Variants in SLC22A23 observed in about 807,000 individuals in gnomAD.
SLC22A23 encodes solute carrier family 22 member 23.
Under a neutral mutation model 61.0 loss-of-function variants are expected in SLC22A23, and 26 were observed. That is an observed-to-expected ratio of 0.43 (90% CI 0.31 to 0.59). SLC22A23 has a LOEUF of 0.59. SLC22A23 is among the 20% of genes least tolerant of loss of function. The probability of loss-of-function intolerance (pLI) is 0.11; values close to 1 mark genes in which losing one functional copy is unlikely to be tolerated. For synonymous variants in SLC22A23, 430 were observed against 413.9 expected, an observed-to-expected ratio of 1.04 and a Z score of -0.47; for missense variants, 796 against 934.7, an observed-to-expected ratio of 0.85 and a Z score of 1.94.
intron 3 of SLC22A23, among the ~76,000 whole-genome samples, chr6:3,402,892 T>A (rs529269352): frequency 2.6e-5 from 4 of 152,222 alleles, no homozygotes; most frequent in Non-Finnish European, 4.4e-5. Context: ...GGTCCTCACA[T>A]GTTCATGGAG....
chr6:3,370,032 T>C (rs1221006234), intron 3 of SLC22A23, among the ~76,000 whole-genome samples: 1 of 152,182 alleles, frequency 6.6e-6, no homozygotes, highest in Non-Finnish European at 1.5e-5. Flanking sequence ...TATAAGAAAA[T>C]AGATCCAATT....
intron 3 of SLC22A23, among the ~76,000 whole-genome samples, chr6:3,381,633 C>T (rs1167666888): frequency 2.6e-5 from 4 of 152,188 alleles, no homozygotes; most frequent in Admixed American, 1.3e-4. Flanking sequence ...GCAAGCCTGG[C>T]CCAGCGCCCT....
At position 3,271,549 on chromosome 6, in the gene SLC22A23, A is replaced by G. The variant is rs1322432745; in HGVS notation, c.*1506T>C. ...TGGAAGTCACTTCATTGTCTCACCC[A>G]GGCCCGAGACCACAATTTCCCTGGA... is the stretch of plus-strand genomic sequence containing the variant. On this transcript the variant is annotated 3_prime_UTR_variant, in exon 10 of 10. Coordinates refer to ENST00000406686, the MANE Select transcript of SLC22A23 (RefSeq NM_015482.2). 1 of 152,414 alleles carries G rather than the reference A, an allele frequency of 6.6e-6. No individual in the cohort carries two copies. Among genetic ancestry groups the G allele is most frequent in the East Asian group, 1.9e-4 (1 of 5,334 alleles). The allele number at this position is 152,414 out of a possible 1,614,324, so 9.4% of individuals were successfully genotyped here.
intron 1 of SLC22A23, among the ~76,000 whole-genome samples, chr6:3,445,284 C>T (rs1030627181): frequency 8.6e-5 from 13 of 152,044 alleles, no homozygotes; most frequent in Admixed American, 3.9e-4. Context: ...CTGCAACTTC[C>T]GCCTCCCAGG....
At chr6:3,364,645 C>T (rs1411678166) in intron 3 of SLC22A23, among the ~76,000 whole-genome samples, 2 of 152,148 alleles carry the variant, frequency 1.3e-5, no homozygotes, top group African/African-American at 2.4e-5. Flanking sequence ...AGAGGTCTCA[C>T]GCGTGCAGGG....
At chr6:3,398,157 AG>A (rs1458024507) in intron 3 of SLC22A23, among the ~76,000 whole-genome samples, 1 of 152,254 alleles carries the variant, frequency 6.6e-6, no homozygotes, top group Admixed American at 6.5e-5. Flanking sequence ...ATGCCAAGGA[AG>A]AAATAGTGAA....
At chr6:3,287,203 G>T in intron 6 of SLC22A23, 112 bp from the exon 7 acceptor site, 2 of 964,790 alleles carry the variant, frequency 2.1e-6, no homozygotes, top group Non-Finnish European at 3.2e-6. Flanking sequence ...GCAACTCAAT[G>T]TGTCATAGAA....
At chr6:3,331,229 A>C (rs745457653) in intron 3 of SLC22A23, among the ~76,000 whole-genome samples, 2 of 152,226 alleles carry the variant, frequency 1.3e-5, no homozygotes, top group Non-Finnish European at 2.9e-5. Context: ...TGCAGGCAGA[A>C]GCTATCTTCA....
intron 3 of SLC22A23, among the ~76,000 whole-genome samples, chr6:3,393,277 G>A (rs1423973516): frequency 6.6e-6 from 1 of 152,204 alleles, no homozygotes; most frequent in Admixed American, 6.5e-5. Flanking sequence ...GAGAAGTTTT[G>A]CTGTGAAAGG....
rs145105835 is a variant in SLC22A23, at chr6:3,446,729, C to T, written c.654+9177G>A. 6.2e-4 allele frequency among the ~76,000 whole-genome samples: 94 copies of T among 152,346 alleles called. 4 individuals are homozygous for T. In the East Asian group the frequency reaches 0.018, roughly 29 times the overall value. ...CTCTGGTCAGGCTGCCTTTCCCTGT[C>T]AAAAGCTCTCCTCCCTCCCCTCTGC... On this transcript the variant is annotated intron_variant, in intron 1 of 9. Transcript: ENST00000406686.
At chr6:3,377,137 A>ATTTG (rs1233078939) in intron 3 of SLC22A23, among the ~76,000 whole-genome samples, 3 of 152,166 alleles carry the variant, frequency 2.0e-5, no homozygotes, top group Non-Finnish European at 4.4e-5. Context: ...TGTAACACCC[A>ATTTG]TTTGTTTACA....
Position 3,270,759 on chromosome 6 carries a change from A to AC in SLC22A23, c.*2295dup. 6.6e-6 allele frequency: 1 copy of AC among 152,406 alleles called. No individual in the cohort carries two copies. Among genetic ancestry groups the AC allele is most frequent in the Middle Eastern group, 3.4e-3 (1 of 294 alleles). The allele number at this position is 152,406 out of a possible 1,614,324, so 9.4% of individuals were successfully genotyped here. A position where few individuals can be genotyped will look rare whatever the true frequency, so the allele number is the denominator to read the frequency against. ...TTTGAGGTGGAGATCAGAGATCATG[A>AC]CCAGAAGAGTGTGAGTGCTGTCCCT... On this transcript the variant is annotated 3_prime_UTR_variant, in exon 10 of 10. Coordinates refer to ENST00000406686, the MANE Select transcript of SLC22A23 (RefSeq NM_015482.2).
Position 3,414,188 on chromosome 6 carries a change from C to G in SLC22A23, c.758+1564G>C, listed in dbSNP as rs956205530. Among the ~76,000 whole-genome samples the G allele has an allele frequency of 6.6e-6, 1 of 152,060 alleles. No individual in the cohort carries two copies. The highest frequency in any genetic ancestry group is 1.5e-5 in the Non-Finnish European group (1 of 68,014). ...TATTTATTGAATAAGGACACTACAACCCCAGTTGAGTTTGCATTTTTTTAG... is the reference window on the plus strand; with the variant it reads ...TATTTATTGAATAAGGACACTACAAGCCCAGTTGAGTTTGCATTTTTTTAG... On this transcript the variant is annotated intron_variant, in intron 2 of 9. Coordinates refer to ENST00000406686, the MANE Select transcript of SLC22A23 (RefSeq NM_015482.2). This position sits in a 1 kb window ranked among gnomAD's most constrained non-coding sequence, Gnocchi z 5.1.
intron 3 of SLC22A23, among the ~76,000 whole-genome samples, chr6:3,340,773 T>C (rs1764109039): frequency 6.6e-6 from 1 of 152,216 alleles, no homozygotes; most frequent in Admixed American, 6.5e-5. Context: ...ACCGAGAGAC[T>C]GTCCTTAGGT....
At chr6:3,420,201 A>T (rs930464285) in intron 1 of SLC22A23, among the ~76,000 whole-genome samples, 7 of 151,274 alleles carry the variant, frequency 4.6e-5, no homozygotes, top group African/African-American at 1.7e-4. Context: ...CATTTCACAC[A>T]CGTTAGTTGC....
At chr6:3,368,740 T>C (rs1171244679) in intron 3 of SLC22A23, among the ~76,000 whole-genome samples, 4 of 152,034 alleles carry the variant, frequency 2.6e-5, no homozygotes, top group African/African-American at 7.2e-5. Context: ...GCAAGAACAG[T>C]ATGAGTGAGG....
At chr6:3,359,893 T>C (rs972144450) in intron 3 of SLC22A23, among the ~76,000 whole-genome samples, 3 of 152,228 alleles carry the variant, frequency 2.0e-5, no homozygotes, top group South Asian at 2.1e-4. Context: ...ATCCAACATA[T>C]GCTATAGTAT....
intron 1 of SLC22A23, among the ~76,000 whole-genome samples, chr6:3,434,902 G>C (rs570230842): frequency 3.0e-4 from 46 of 152,298 alleles, no homozygotes; most frequent in African/African-American, 1.1e-3. Context: ...GCTATGTCAA[G>C]GCCTGAGGTT....
chr6:3,374,152 T>C (rs1392533444), intron 3 of SLC22A23, among the ~76,000 whole-genome samples: 1 of 152,260 alleles, frequency 6.6e-6, no homozygotes, highest in Non-Finnish European at 1.5e-5. Context: ...GGCCCAACTT[T>C]ACCTACATCT....
Sources: gnomAD v4.1 joint callset for allele counts (sites outside exome capture counted in the v4.1 genomes callset) on GRCh38, gnomAD v4.1.1 for gene constraint, Gnocchi (gnomAD v3.1) non-coding constraint, MANE v1.5 for transcripts, NCBI Gene and HGNC (gene_info 2026-07-23, HGNC 2026-07-21) for gene names.